SLC39A11: variants seen among roughly 807,000 people sequenced by gnomAD.
SLC39A11 encodes the protein solute carrier family 39 member 11.
A neutral mutation model predicts 36.1 loss-of-function variants in SLC39A11; 33 were observed. That is an observed-to-expected ratio of 0.91 (90% CI 0.69 to 1.22). SLC39A11 has a LOEUF of 1.22. SLC39A11 is among the 50% of genes most tolerant of loss of function. The probability of loss-of-function intolerance (pLI) is 0.00; values close to 1 mark genes in which losing one functional copy is unlikely to be tolerated. For missense variants in SLC39A11, 432 were observed against 430.3 expected, an observed-to-expected ratio of 1.00 and a Z score of -0.03; for synonymous variants, 166 against 170.3, an observed-to-expected ratio of 0.97 and a Z score of 0.20.
intron 5 of SLC39A11, among the ~76,000 whole-genome samples, chr17:72,896,191 C>CT (rs1276093171): frequency 1.6e-5 from 2 of 124,450 alleles, no homozygotes; most frequent in African/African-American, 3.3e-5. Context: ...TCACATTAAT[C>CT]CTTTTTTTTT....
intron 4 of SLC39A11, among the ~76,000 whole-genome samples, chr17:72,967,743 C>T (rs143147566): frequency 2.1e-3 from 322 of 152,280 alleles, no homozygotes; most frequent in African/African-American, 7.1e-3. Flanking sequence ...GCACTGTGCA[C>T]CTTCAGAGTG....
chr17:72,900,217 G>GGAAAA (rs1555622527), intron 5 of SLC39A11, among the ~76,000 whole-genome samples: 1 of 107,318 alleles, frequency 9.3e-6, no homozygotes, highest in Non-Finnish European at 2.0e-5. Flanking sequence ...AAGAAAGAAA[G>GGAAAA]AAAGAAAGAA....
intron 3 of SLC39A11, among the ~76,000 whole-genome samples, chr17:73,082,475 TTTC>T (rs1362754968): frequency 1.3e-5 from 2 of 152,176 alleles, no homozygotes; most frequent in African/African-American, 4.8e-5. Flanking sequence ...ATTTGATTTT[TTTC>T]TTTTTTGTTT....
At chr17:73,040,515 T>C (rs1184343191) in intron 3 of SLC39A11, among the ~76,000 whole-genome samples, 3 of 152,214 alleles carry the variant, frequency 2.0e-5, no homozygotes, top group African/African-American at 7.2e-5. Flanking sequence ...GTTTAGGGAA[T>C]AGTAACAAAC....
At chr17:73,018,077 C>T (rs1313183260) in intron 4 of SLC39A11, among the ~76,000 whole-genome samples, 3 of 152,258 alleles carry the variant, frequency 2.0e-5, no homozygotes, top group East Asian at 1.9e-4. Flanking sequence ...TTCTAGGCCT[C>T]GAGTAAAAGC....
At chr17:72,731,947 G>A (rs1409620089) in intron 7 of SLC39A11, among the ~76,000 whole-genome samples, 2 of 150,932 alleles carry the variant, frequency 1.3e-5, no homozygotes, top group Non-Finnish European at 2.9e-5. Context: ...GGCTGGTCTC[G>A]AACTCCTGAT....
chr17:73,005,562 C>T (rs1381468893), intron 4 of SLC39A11, among the ~76,000 whole-genome samples: 2 of 152,216 alleles, frequency 1.3e-5, no homozygotes, highest in Non-Finnish European at 2.9e-5. Flanking sequence ...AAAGCACCTT[C>T]CTGTTCTATA....
intron 4 of SLC39A11, among the ~76,000 whole-genome samples, chr17:73,022,329 T>C (rs1300164263): frequency 6.6e-6 from 1 of 152,138 alleles, no homozygotes. Context: ...GTGCAGTGGC[T>C]CATGCCAGTA....
intron 7 of SLC39A11, among the ~76,000 whole-genome samples, chr17:72,687,923 G>A (rs537251883): frequency 1.3e-5 from 2 of 152,252 alleles, no homozygotes; most frequent in African/African-American, 4.8e-5. Context: ...ACACCTCCTG[G>A]AGAGCCATAA....
chr17:72,655,480 G>A (rs910406137), intron 7 of SLC39A11, among the ~76,000 whole-genome samples: 1 of 152,190 alleles, frequency 6.6e-6, no homozygotes, highest in African/African-American at 2.4e-5. Context: ...TTATTGCCGT[G>A]GCATTGGGCC....
chr17:72,769,061 A>G (rs562400574), intron 6 of SLC39A11, among the ~76,000 whole-genome samples: 50 of 152,098 alleles, frequency 3.3e-4, no homozygotes, highest in Non-Finnish European at 4.1e-4. Context: ...CGCCCAGCCA[A>G]CTTCTTGGCT....
chr17:72,921,326 A>G (rs2083658195), intron 5 of SLC39A11, among the ~76,000 whole-genome samples: 1 of 152,200 alleles, frequency 6.6e-6, no homozygotes. Context: ...AACTGGTGAT[A>G]CTGAATCAGA....
At chr17:72,864,590 C>T (rs2080209988) in intron 5 of SLC39A11, among the ~76,000 whole-genome samples, 1 of 152,052 alleles carries the variant, frequency 6.6e-6, no homozygotes, top group African/African-American at 2.4e-5. Context: ...GTCTTGGGGT[C>T]GATCCTAGCC....
intron 3 of SLC39A11, among the ~76,000 whole-genome samples, chr17:73,032,091 T>G (rs774082105): frequency 5.3e-5 from 8 of 152,100 alleles, no homozygotes; most frequent in Non-Finnish European, 1.2e-4. Flanking sequence ...GCTACTGGCA[T>G]CTAATGAGTG....
At chr17:73,046,364 C>G (rs745588131) in intron 3 of SLC39A11, among the ~76,000 whole-genome samples, 1 of 152,068 alleles carries the variant, frequency 6.6e-6, no homozygotes, top group African/African-American at 2.4e-5. Flanking sequence ...GTCTCCCATG[C>G]GTATGGTGGC....
intron 4 of SLC39A11, among the ~76,000 whole-genome samples, chr17:73,004,451 A>G (rs1431110954): frequency 6.6e-6 from 1 of 152,174 alleles, no homozygotes; most frequent in East Asian, 1.9e-4. Context: ...TCTTCTTAAA[A>G]GGACACTAAT....
intron 4 of SLC39A11, among the ~76,000 whole-genome samples, chr17:73,030,935 T>C (rs962525557): frequency 6.6e-6 from 1 of 152,190 alleles, no homozygotes; most frequent in Non-Finnish European, 1.5e-5. Flanking sequence ...CATATGTCAG[T>C]AAAAAAGCCT....
At chr17:72,923,935 A>G (rs9889439) in intron 5 of SLC39A11, among the ~76,000 whole-genome samples, 91,312 of 151,252 alleles carry the variant, frequency 0.6, 28,947 homozygotes, top group African/African-American at 0.81. Flanking sequence ...TTTTGAGCCC[A>G]GGAGTTCAAG....
intron 5 of SLC39A11, among the ~76,000 whole-genome samples, chr17:72,915,428 C>A (rs1023917827): frequency 6.6e-6 from 1 of 152,246 alleles, no homozygotes; most frequent in Non-Finnish European, 1.5e-5. Flanking sequence ...CTAGTCCCGG[C>A]TTTCCCCTCA....
Sources: allele counts gnomAD v4.1 joint callset (sites outside exome capture counted in the v4.1 genomes callset), GRCh38; gene constraint gnomAD v4.1.1; transcripts MANE v1.5; gene names NCBI Gene and HGNC (gene_info 2026-07-23, HGNC 2026-07-21).